The following TDRD9 variants were observed in gnomAD, a reference collection of about 807,000 sequenced individuals.
TDRD9 encodes the protein tudor domain containing 9, also known as ATP-dependent RNA helicase TDRD9.
Under a neutral mutation model 172.6 loss-of-function variants are expected in TDRD9, and 124 were observed. The observed-to-expected ratio is 0.72, with a 90% CI of 0.62 to 0.83. The LOEUF (loss-of-function observed/expected upper bound fraction) is 0.83, where lower values mean the gene tolerates loss of function less well. Ranked by LOEUF, TDRD9 falls within the 40% of genes least tolerant of loss-of-function variation. The probability of loss-of-function intolerance (pLI) is 0.00; values close to 1 mark genes in which losing one functional copy is unlikely to be tolerated. For missense variants in TDRD9, 1,479 were observed against 1,714.1 expected, an observed-to-expected ratio of 0.86 and a Z score of 2.42; for synonymous variants, 619 against 617.1, an observed-to-expected ratio of 1.00 and a Z score of -0.05.
intron 13 of TDRD9, among the ~76,000 whole-genome samples, chr14:104,001,382 C>T (rs2034256296): frequency 6.6e-6 from 1 of 152,214 alleles, no homozygotes; most frequent in Non-Finnish European, 1.5e-5. Flanking sequence ...GCCATCTAAG[C>T]CAATACAAGC....
rs139072700 is a variant in TDRD9, at chr14:104,006,698, C to T, written c.1932C>T (p.Leu644=). The T allele has an allele frequency of 2.0e-4, 317 of 1,613,870 alleles. 3 individuals are homozygous for T. In the African/African-American group the frequency reaches 3.5e-3, roughly 18 times the overall value. ...TTGCAATGCCTTTCCGGCAGCATCT[C>T]GATGGATATAGGTACTGAACATTCA... ...NFFAMPFRQH[L]DGYRNKVNFS... is the part of the protein sequence containing the mutation. The change falls in exon 17 of 36, where the codon CTC becomes CTT. Residue 644 remains leucine, a synonymous_variant. Coordinates refer to ENST00000409874, the MANE Select transcript of TDRD9 (RefSeq NM_153046.3).
At chr14:103,967,265 G>A (rs1433675212) in intron 5 of TDRD9, among the ~76,000 whole-genome samples, 4 of 148,672 alleles carry the variant, frequency 2.7e-5, no homozygotes, top group African/African-American at 1.0e-4. Flanking sequence ...TACTCTGGGA[G>A]GCCAAGGTGG....
At chr14:103,982,865 C>T (rs1255519298) in intron 7 of TDRD9, among the ~76,000 whole-genome samples, 2 of 152,136 alleles carry the variant, frequency 1.3e-5, no homozygotes, top group African/African-American at 4.8e-5. Flanking sequence ...CACGCCCTTG[C>T]ACTCCAGCCT....
intron 8 of TDRD9, among the ~76,000 whole-genome samples, chr14:103,987,074 A>C (rs1230045366): frequency 6.6e-6 from 1 of 151,980 alleles, no homozygotes; most frequent in Non-Finnish European, 1.5e-5. Flanking sequence ...AGATCGTGCC[A>C]CTGCACTCCA....
chr14:103,958,505 T>A (rs955474646), intron 2 of TDRD9, among the ~76,000 whole-genome samples: 2 of 152,206 alleles, frequency 1.3e-5, no homozygotes, highest in Non-Finnish European at 2.9e-5. Context: ...AAGGGGTCTT[T>A]GCAGATGCAA....
intron 8 of TDRD9, among the ~76,000 whole-genome samples, chr14:103,989,709 G>C (rs928362660): frequency 6.6e-6 from 1 of 152,202 alleles, no homozygotes; most frequent in African/African-American, 2.4e-5. Context: ...TGTGTGGTTG[G>C]CATCCAGCAG....
Position 103,980,101 on chromosome 14 carries a change from A to G in TDRD9, c.1011+4548A>G, listed in dbSNP as rs554949574. 1.3e-5 allele frequency among the ~76,000 whole-genome samples: 2 copies of G among 151,004 alleles called. No individual in the cohort carries two copies. Among genetic ancestry groups the G allele is most frequent in the African/African-American group, 4.9e-5 (2 of 41,076 alleles). ...GCTATGTTGTCCAGGCTGATCTTGA[A>G]CTCCTGTCTGTAGGGACCAGCCCCA... On this transcript the variant is annotated intron_variant, in intron 7 of 35. Coordinates refer to ENST00000409874, the MANE Select transcript of TDRD9 (RefSeq NM_153046.3). This position sits in a 1 kb window ranked among gnomAD's most constrained non-coding sequence, Gnocchi z 4.5.
At chr14:104,039,375 G>A (rs888337474) in intron 32 of TDRD9, among the ~76,000 whole-genome samples, 25 of 152,196 alleles carry the variant, frequency 1.6e-4, no homozygotes, top group African/African-American at 5.8e-4. Flanking sequence ...AGCTGCAGAA[G>A]CCACACAGCG....
At chr14:103,952,188 GTGTA>G (rs60589921) in intron 1 of TDRD9, among the ~76,000 whole-genome samples, 2,754 of 56,598 alleles carry the variant, frequency 0.049, 94 homozygotes, top group Non-Finnish European at 0.066. Flanking sequence ...GTGCGTGTGT[GTGTA>G]TATATATATA....
intron 34 of TDRD9, among the ~76,000 whole-genome samples, chr14:104,043,659 T>G (rs1267432992): frequency 6.6e-6 from 1 of 152,162 alleles, no homozygotes; most frequent in Non-Finnish European, 1.5e-5. Context: ...GTAGCCACCA[T>G]CACTCCCTGC....
chr14:104,016,087 T>C lies in TDRD9; in HGVS notation c.2330T>C (p.Val777Ala), dbSNP rs745611833. 6.3e-7 allele frequency: 1 copy of C among 1,593,564 alleles called. No homozygotes were observed. The highest frequency in any genetic ancestry group is 1.1e-5 in the South Asian group (1 of 87,432). ...GGCAAGGACCCCAAGACAACTGTCGTGGTAGGTGCTGGGGGCAGGCCGTCC... is the reference window on the plus strand; with the variant it reads ...GGCAAGGACCCCAAGACAACTGTCGCGGTAGGTGCTGGGGGCAGGCCGTCC... Reference protein sequence around the residue: ...LAGKDPKTTVVLKHIPPYGFL... With the variant: ...LAGKDPKTTVALKHIPPYGFL... The change falls in exon 22 of 36, where the codon GTG (valine) becomes GCG (alanine). Residue 777 changes from valine (V) to alanine (A), a missense_variant and splice_region_variant. Coordinates refer to ENST00000409874, the MANE Select transcript of TDRD9 (RefSeq NM_153046.3).
At chr14:103,959,769 GTTAAAGA>G (rs1215408130) in intron 2 of TDRD9, among the ~76,000 whole-genome samples, 1 of 152,064 alleles carries the variant, frequency 6.6e-6, no homozygotes, top group African/African-American at 2.4e-5. Flanking sequence ...ATTTTACATG[GTTAAAGA>G]TTAATCATTT....
At chr14:103,949,729 G>C (rs948032492) in intron 1 of TDRD9, among the ~76,000 whole-genome samples, 1 of 152,120 alleles carries the variant, frequency 6.6e-6, no homozygotes, top group Non-Finnish European at 1.5e-5. Context: ...GCCCATGCTG[G>C]AGTGCCATGG....
At chr14:104,035,454 A>G (rs753811328) in intron 32 of TDRD9, among the ~76,000 whole-genome samples, 1 of 152,226 alleles carries the variant, frequency 6.6e-6, no homozygotes, top group Non-Finnish European at 1.5e-5. Flanking sequence ...TGTGGTAACC[A>G]TGACATCAGA....
chr14:104,008,938 G>A (rs2034527420), intron 20 of TDRD9, among the ~76,000 whole-genome samples: 1 of 152,192 alleles, frequency 6.6e-6, no homozygotes, highest in Admixed American at 6.5e-5. Context: ...TAAACATATG[G>A]TATTTTAATT....
chr14:103,978,789 T>A (rs964150733), intron 7 of TDRD9, among the ~76,000 whole-genome samples: 2 of 152,200 alleles, frequency 1.3e-5, no homozygotes, highest in Non-Finnish European at 2.9e-5. Flanking sequence ...ATGTTTTTTT[T>A]AATTAAAAAA....
At chr14:104,008,597 C>T in intron 20 of TDRD9, 131 bp downstream of exon 20, 1 of 629,070 alleles carries the variant, frequency 1.6e-6, no homozygotes. Flanking sequence ...CTGCCTGTTT[C>T]CAGCTTTAGT....
chr14:104,001,431 A>G (rs1391247326), intron 13 of TDRD9, among the ~76,000 whole-genome samples: 3 of 152,232 alleles, frequency 2.0e-5, no homozygotes, highest in Non-Finnish European at 4.4e-5. Context: ...ATTACTAAGT[A>G]GTACTCCACT....
intron 13 of TDRD9, 57 bp downstream of exon 13, chr14:103,998,785 C>G: frequency 1.2e-6 from 1 of 863,442 alleles, no homozygotes; most frequent in South Asian, 1.5e-5. Flanking sequence ...GTGGCACATT[C>G]AGGTGCTTTT....
Sources: gnomAD v4.1 joint callset for allele counts (sites outside exome capture counted in the v4.1 genomes callset) on GRCh38, gnomAD v4.1.1 for gene constraint, Gnocchi (gnomAD v3.1) non-coding constraint, MANE v1.5 for transcripts, NCBI Gene and HGNC (gene_info 2026-07-23, HGNC 2026-07-21) for gene names.